Variants in GFM1 observed in about 807,000 individuals in gnomAD.
The protein encoded by GFM1 is G elongation factor mitochondrial 1, also known as elongation factor G, mitochondrial.
In GFM1, 62 loss-of-function variants were observed where a neutral mutation model predicts 96.2. The ratio of observed to expected loss-of-function variants is 0.64; its 90% confidence interval spans 0.53 to 0.80. GFM1 has a LOEUF of 0.80. GFM1 is among the 30% of genes least tolerant of loss of function. The probability of loss-of-function intolerance (pLI) is 0.00; values close to 1 mark genes in which losing one functional copy is unlikely to be tolerated. For synonymous variants in GFM1, 282 were observed against 312.9 expected (o/e 0.90, Z 1.04); for missense variants, 852 against 916.6 (o/e 0.93, Z 0.91).
At chr3:158,683,964 A>G (rs997949856) in intron 14 of GFM1, among the ~76,000 whole-genome samples, 3 of 152,238 alleles carry the variant, frequency 2.0e-5, no homozygotes, top group Admixed American at 6.5e-5. Flanking sequence ...ATGCTCATCA[A>G]TGATAGACTG....
intron 13 of GFM1, among the ~76,000 whole-genome samples, chr3:158,674,161 A>G (rs1354121093): frequency 6.7e-6 from 1 of 149,640 alleles, no homozygotes; most frequent in African/African-American, 2.5e-5. Context: ...GCTCACTGCA[A>G]CCTCCACCTC....
chr3:158,691,305 A>AG, intron 17 of GFM1, 31 bp from the exon 18 acceptor site: 1 of 1,515,758 alleles, frequency 6.6e-7, no homozygotes, highest in South Asian at 1.1e-5. Flanking sequence ...ACAAACAAAC[A>AG]AAAAACCCTC....
chr3:158,658,155 CTCTTTT>C (rs1373619924), intron 8 of GFM1, among the ~76,000 whole-genome samples: 2 of 93,930 alleles, frequency 2.1e-5, no homozygotes, highest in Non-Finnish European at 4.1e-5. Flanking sequence ...CTTCACAGAA[CTCTTTT>C]TTTTTTTTTT....
chr3:158,653,820 CA>C (rs1159097553), intron 7 of GFM1, among the ~76,000 whole-genome samples: 1 of 151,984 alleles, frequency 6.6e-6, no homozygotes, highest in East Asian at 1.9e-4. Context: ...CTTGTAATTC[CA>C]GCACTTTGGG....
chr3:158,644,809 A>C, intron 1 of GFM1, 94 bp downstream of exon 1: 2 of 1,028,358 alleles, frequency 1.9e-6, no homozygotes, highest in South Asian at 1.4e-5. Context: ...CTGGGTCCTC[A>C]TGACTGACAG....
At chr3:158,687,780 A>G (rs138223385) in intron 15 of GFM1, among the ~76,000 whole-genome samples, 1 of 152,260 alleles carries the variant, frequency 6.6e-6, no homozygotes, top group East Asian at 1.9e-4. Flanking sequence ...CTATATAATT[A>G]TTATTTGTCA....
rs11405116 is a variant in GFM1, at chr3:158,644,980, GT to G, written c.81+283del. 0.19 allele frequency: 39,909 copies of G among 213,794 alleles called. 942 individuals are homozygous for G. Among genetic ancestry groups the G allele is most frequent in the South Asian group, 0.25 (3,874 of 15,442 alleles). The allele number at this position is 213,794 out of a possible 1,614,324, so 13.2% of individuals were successfully genotyped here. ...TGATATTTTATCCACCTTTTCTAAG[GT>G]TTTTTTTTTTTTTTTTTGCCTCTCT... On this transcript the variant is annotated intron_variant, in intron 1 of 17. Coordinates refer to ENST00000486715, the MANE Select transcript of GFM1 (RefSeq NM_024996.7).
At chr3:158,680,099 T>C (rs1380932691) in intron 13 of GFM1, among the ~76,000 whole-genome samples, 1 of 152,184 alleles carries the variant, frequency 6.6e-6, no homozygotes, top group African/African-American at 2.4e-5. Context: ...TACATATATG[T>C]ATATATATTT....
chr3:158,685,432 T>C (rs1031745768), intron 15 of GFM1: 1 of 152,234 alleles, frequency 6.6e-6, no homozygotes, highest in Non-Finnish European at 1.5e-5. Context: ...AGTAGAATTA[T>C]GATTCACAAA....
chr3:158,684,887 G>A (rs1725709084), intron 15 of GFM1: 2 of 492,816 alleles, frequency 4.1e-6, no homozygotes, highest in Non-Finnish European at 7.2e-6. Context: ...TACATTCTCT[G>A]GGGCTTTCTT....
chr3:158,650,097 A>G, intron 5 of GFM1: 1 of 1,482,206 alleles, frequency 6.7e-7, no homozygotes, highest in Non-Finnish European at 9.1e-7. Flanking sequence ...GAACTATAGA[A>G]TTTATCTTCA....
chr3:158,666,117 T>C (rs935583207), intron 12 of GFM1, among the ~76,000 whole-genome samples, 187 bp from the exon 13 acceptor site: 7 of 152,230 alleles, frequency 4.6e-5, no homozygotes, highest in African/African-American at 1.7e-4. Context: ...AATTCATTTA[T>C]ATAAAATCTG....
Position 158,646,869 on chromosome 3 carries a change from A to C in GFM1, c.494A>C (p.Tyr165Ser). 1 of 1,614,148 alleles carries C rather than the reference A, an allele frequency of 6.2e-7. No individual in the cohort carries two copies. The highest frequency in any genetic ancestry group is 8.5e-7 in the Non-Finnish European group (1 of 1,180,018). ...ACTGTCAATCGTCAGATGAAGCGCT[A>C]CAACGTTCCGTTTCTAACTTTTATT... ...TMTVNRQMKR[Y>S]NVPFLTFINK... The change falls in exon 4 of 18, where the codon TAC becomes TCC. Residue 165 changes from tyrosine (Y) to serine (S), a missense_variant. Transcript: ENST00000486715.
chr3:158,671,575 A>G (rs774155596), intron 13 of GFM1, among the ~76,000 whole-genome samples: 20 of 152,384 alleles, frequency 1.3e-4, no homozygotes, highest in Non-Finnish European at 2.6e-4. Flanking sequence ...CAAGATACAG[A>G]TTGAAAATTT....
At chr3:158,645,488 G>C (rs2107999450) in intron 1 of GFM1, 141 bp from the exon 2 acceptor site, 1 of 729,178 alleles carries the variant, frequency 1.4e-6, no homozygotes, top group South Asian at 1.5e-5. Flanking sequence ...CAGGCTTAAA[G>C]GTTTCCCCTG....
In GFM1 at chr3:158,665,319, TTTC is replaced by T. The variant is rs758285408; in HGVS notation, c.1381-9_1381-7del. ...CATGCTCAGTAAAACATATAGTGACTTTCTTCTTCTTTTAAAGAACGATCTGGA... is the reference window on the plus strand; with the variant it reads ...CATGCTCAGTAAAACATATAGTGACTTTCTTCTTTTAAAGAACGATCTGGA... On this transcript the variant is annotated splice_polypyrimidine_tract_variant and intron_variant, in intron 11 of 17. Transcript: ENST00000486715. 2.0e-5 allele frequency: 32 copies of T among 1,595,172 alleles called. 1 individual carries two copies. The highest frequency in any genetic ancestry group is 1.6e-4 in the African/African-American group (12 of 74,560).
intron 12 of GFM1, 53 bp downstream of exon 12, chr3:158,665,527 A>G: frequency 6.8e-7 from 1 of 1,475,524 alleles, no homozygotes; most frequent in Middle Eastern, 2.1e-4. Flanking sequence ...TGTCTGTTTC[A>G]TTAAAAGTCA....
chr3:158,669,383 T>C, intron 13 of GFM1: 4 of 1,527,570 alleles, frequency 2.6e-6, no homozygotes, highest in Non-Finnish European at 3.6e-6. Context: ...TAATTGAGAT[T>C]GATTTTAAGT....
At chr3:158,691,296 C>T (rs1726293398) in intron 17 of GFM1, 40 bp from the exon 18 acceptor site, 1 of 1,582,978 alleles carries the variant, frequency 6.3e-7, no homozygotes, top group Non-Finnish European at 8.5e-7. Context: ...AAAAAACAAA[C>T]AAACAAACAA....
Sources: allele counts gnomAD v4.1 joint callset (sites outside exome capture counted in the v4.1 genomes callset), GRCh38; gene constraint gnomAD v4.1.1; transcripts MANE v1.5; gene names NCBI Gene and HGNC (gene_info 2026-07-23, HGNC 2026-07-21).